The following NUCKS1 variants were observed in gnomAD, a reference collection of about 807,000 sequenced individuals.
The protein encoded by NUCKS1 is nuclear ubiquitous casein and cyclin-dependent kinase substrate 1.
Under a neutral mutation model 33.0 loss-of-function variants are expected in NUCKS1, and 2 were observed. That is an observed-to-expected ratio of 0.06 (90% CI 0.02 to 0.19). The LOEUF (loss-of-function observed/expected upper bound fraction) is 0.19. Among genes scored for constraint, NUCKS1 ranks in the 10% least tolerant of loss-of-function variants. The pLI, the probability that NUCKS1 is intolerant of heterozygous loss-of-function variation, is 1.00. For missense variants in NUCKS1, 201 were observed against 293.6 expected, an observed-to-expected ratio of 0.68 and a Z score of 2.31; for synonymous variants, 106 against 102.8, an observed-to-expected ratio of 1.03 and a Z score of -0.19.
chr1:205,733,302 A>T (rs140744664), intron 1 of NUCKS1, among the ~76,000 whole-genome samples: 33 of 152,322 alleles, frequency 2.2e-4, no homozygotes, highest in African/African-American at 7.7e-4. Context: ...ATGGGAAAAC[A>T]TGTTAGCTAC....
chr1:205,731,508 A>C (rs1553252320), intron 1 of NUCKS1, among the ~76,000 whole-genome samples: 1 of 152,242 alleles, frequency 6.6e-6, no homozygotes, highest in South Asian at 2.1e-4. Context: ...CTTCCATGTT[A>C]GTACCCAAAC....
At chr1:205,721,535 A>G (rs1671916436) in intron 4 of NUCKS1, among the ~76,000 whole-genome samples, 1 of 152,246 alleles carries the variant, frequency 6.6e-6, no homozygotes, top group African/African-American at 2.4e-5. Context: ...ATATCTTAAC[A>G]TAGTATGAGA....
intron 1 of NUCKS1, among the ~76,000 whole-genome samples, chr1:205,747,481 T>C (rs533324124): frequency 2.7e-4 from 41 of 152,280 alleles, no homozygotes; most frequent in African/African-American, 9.1e-4. Flanking sequence ...CAGTAGCCAA[T>C]AGGTCCACCA....
chr1:205,728,961 C>T (rs1408011818), intron 2 of NUCKS1, among the ~76,000 whole-genome samples: 1 of 151,920 alleles, frequency 6.6e-6, no homozygotes, highest in Admixed American at 6.6e-5. Flanking sequence ...AGCCACTGCG[C>T]CTGGCTGTAG....
At position 205,718,103 on chromosome 1, in the gene NUCKS1, A is replaced by AT; in HGVS notation, c.*176_*177insA. On this transcript the variant is annotated 3_prime_UTR_variant, in exon 7 of 7. Transcript: ENST00000367142. The stretch of plus-strand genomic sequence containing the variant: ...TTTGCTTTAAAAAAAAAAAAAAAAA[A>AT]AGAGAGAGAGAGAGAAATGTTACTT... 1 of 1,124,708 alleles carries AT rather than the reference A, an allele frequency of 8.9e-7. No homozygotes were observed. Among genetic ancestry groups the AT allele is most frequent in the Non-Finnish European group, 1.1e-6 (1 of 897,032 alleles). 69.7% of individuals were successfully genotyped at this position (1,124,708 alleles called of 1,614,324 possible).
At chr1:205,743,697 G>A (rs949365288) in intron 1 of NUCKS1, among the ~76,000 whole-genome samples, 1 of 152,094 alleles carries the variant, frequency 6.6e-6, no homozygotes, top group African/African-American at 2.4e-5. Context: ...TTGGAAAGTG[G>A]AGCCTTAAGT....
chr1:205,719,931 G>T (rs574657151), intron 5 of NUCKS1, among the ~76,000 whole-genome samples: 69 of 152,308 alleles, frequency 4.5e-4, no homozygotes, highest in African/African-American at 1.6e-3. Context: ...GGAAGGGTAA[G>T]AGTTAATCTG....
Position 205,750,015 on chromosome 1 carries a change from A to AGGGGGGGGGGGGGGGGGGGGGGG in NUCKS1, c.-43_-42insCCCCCCCCCCCCCCCCCCCCCCC. On this transcript the variant is annotated 5_prime_UTR_variant, in exon 1 of 7. Transcript: ENST00000367142. Reference sequence around the variant, plus strand: ...GGACCGAGTCGAGAAGCCAAAGACCAGGACCCCCCCCACCCCGCGCGCTCG... The same window carrying AGGGGGGGGGGGGGGGGGGGGGGG: ...GGACCGAGTCGAGAAGCCAAAGACCAGGGGGGGGGGGGGGGGGGGGGGGGGACCCCCCCCACCCCGCGCGCTCG... 1 of 1,506,276 alleles carries AGGGGGGGGGGGGGGGGGGGGGGG rather than the reference A, an allele frequency of 6.6e-7. No individual in the cohort carries two copies. 93.3% of individuals were successfully genotyped at this position (1,506,276 alleles called of 1,614,324 possible). A position where few individuals can be genotyped will look rare whatever the true frequency, so the allele number is the denominator to read the frequency against.
intron 1 of NUCKS1, among the ~76,000 whole-genome samples, chr1:205,741,051 C>T (rs1163749646): frequency 6.6e-6 from 1 of 151,562 alleles, no homozygotes; most frequent in African/African-American, 2.4e-5. Context: ...CCTGTAATCC[C>T]GCCTCAGGAG....
chr1:205,724,165 T>C, intron 3 of NUCKS1, 184 bp from the exon 4 acceptor site: 1 of 630,718 alleles, frequency 1.6e-6, no homozygotes. Flanking sequence ...AAGCACAATT[T>C]TATTTACGTT....
chr1:205,729,911 C>T (rs773324950), intron 1 of NUCKS1, among the ~76,000 whole-genome samples: 1 of 151,444 alleles, frequency 6.6e-6, no homozygotes, highest in Non-Finnish European at 1.5e-5. Context: ...ATCCCTGCTA[C>T]TTGGGAAGCT....
chr1:205,746,138 A>T (rs1355629475), intron 1 of NUCKS1, among the ~76,000 whole-genome samples: 1 of 146,774 alleles, frequency 6.8e-6, no homozygotes, highest in Non-Finnish European at 1.5e-5. Context: ...CCTACTAAAA[A>T]TACAAAAGTT....
At chr1:205,721,096 A>G (rs1419746251) in intron 4 of NUCKS1, among the ~76,000 whole-genome samples, 1 of 134,742 alleles carries the variant, frequency 7.4e-6, no homozygotes, top group Admixed American at 8.1e-5. Flanking sequence ...AACAACACAC[A>G]CTGGGGCCTG....
chr1:205,748,812 C>T (rs1227829278), intron 1 of NUCKS1, among the ~76,000 whole-genome samples: 1 of 152,228 alleles, frequency 6.6e-6, no homozygotes, highest in Admixed American at 6.5e-5. Flanking sequence ...CATTTAAAAA[C>T]TAAGCCTTTA....
intron 1 of NUCKS1, among the ~76,000 whole-genome samples, chr1:205,744,878 C>T (rs1438603734): frequency 6.6e-6 from 1 of 151,948 alleles, no homozygotes; most frequent in African/African-American, 2.4e-5. Flanking sequence ...GTGATCTGCC[C>T]GCCTCAGCCT....
intron 1 of NUCKS1, among the ~76,000 whole-genome samples, chr1:205,745,495 A>G (rs1367194161): frequency 6.6e-6 from 1 of 152,226 alleles, no homozygotes; most frequent in African/African-American, 2.4e-5. Context: ...CTCCAAAAAA[A>G]AAAAGTATCT....
chr1:205,738,267 ATC>A (rs1475890048), intron 1 of NUCKS1, among the ~76,000 whole-genome samples: 1 of 152,050 alleles, frequency 6.6e-6, no homozygotes, highest in African/African-American at 2.4e-5. Context: ...ACCTCAAGTG[ATC>A]TGCCCGCCTT....
intron 1 of NUCKS1, among the ~76,000 whole-genome samples, chr1:205,743,069 A>T: frequency 8.6e-6 from 1 of 116,740 alleles, no homozygotes; most frequent in South Asian, 5.1e-4. Flanking sequence ...CCATTTGGCC[A>T]TGCAGACTGT....
chr1:205,735,172 CATT>C (rs1431109650), intron 1 of NUCKS1, among the ~76,000 whole-genome samples: 8 of 152,168 alleles, frequency 5.3e-5, no homozygotes, highest in Non-Finnish European at 1.2e-4. Context: ...TGCTGCATGA[CATT>C]ATGGTGAACT....
Sources: allele counts gnomAD v4.1 joint callset (sites outside exome capture counted in the v4.1 genomes callset), GRCh38; gene constraint gnomAD v4.1.1; transcripts MANE v1.5; gene names NCBI Gene and HGNC (gene_info 2026-07-23, HGNC 2026-07-21).